The following SSPN variants were observed in gnomAD, a reference collection of about 807,000 sequenced individuals.
SSPN encodes sarcospan.
Under a neutral mutation model 19.1 loss-of-function variants are expected in SSPN, and 15 were observed. The ratio of observed to expected loss-of-function variants is 0.78; its 90% confidence interval spans 0.52 to 1.21. The LOEUF is 1.21. Among genes scored for constraint, SSPN ranks in the 50% most tolerant of loss-of-function variants. SSPN has a pLI of 0.00. For missense variants in SSPN, 291 were observed against 314.0 expected, an observed-to-expected ratio of 0.93 and a Z score of 0.55; for synonymous variants, 147 against 140.3, an observed-to-expected ratio of 1.05 and a Z score of -0.34.
chr12:26,149,120 C>T (rs989706253), intron 1 of SSPN, among the ~76,000 whole-genome samples: 3 of 152,178 alleles, frequency 2.0e-5, no homozygotes, highest in Non-Finnish European at 2.9e-5. Context: ...ACAGAGCTTA[C>T]TCCCTTTACC....
intron 1 of SSPN, among the ~76,000 whole-genome samples, chr12:26,172,640 C>T (rs1944660379): frequency 6.6e-6 from 1 of 152,190 alleles, no homozygotes; most frequent in South Asian, 2.1e-4. Flanking sequence ...TCTATTGGCT[C>T]TACGCCAAGA....
rs12831005 is a variant in SSPN at position 26,122,639 on chromosome 12, G to A, written c.-31+487G>A. The A allele has an allele frequency of 1.6e-5, 21 of 1,290,252 alleles. No individual in the cohort carries two copies. The highest frequency in any genetic ancestry group is 1.9e-5 in the Non-Finnish European group (19 of 1,011,962). 79.9% of individuals were successfully genotyped at this position (1,290,252 alleles called of 1,614,324 possible). A position where few individuals can be genotyped will look rare whatever the true frequency, so the allele number is the denominator to read the frequency against. ...CCGCCGCCGCCGCGCCGCCCCCCGG[G>A]CCGCCGCCGCTGCCGCCGCCGCGGG... On this transcript the variant is annotated intron_variant, in intron 1 of 2. Transcript: ENST00000538142.
chr12:26,205,557 T>C (rs2137471307), intron 1 of SSPN, among the ~76,000 whole-genome samples: 1 of 152,280 alleles, frequency 6.6e-6, no homozygotes, highest in East Asian at 1.9e-4. Context: ...AGGAAAGCTA[T>C]GAAGGAGGCA....
At chr12:26,207,164 A>G (rs1944938156) in intron 1 of SSPN, among the ~76,000 whole-genome samples, 1 of 152,246 alleles carries the variant, frequency 6.6e-6, no homozygotes, top group Non-Finnish European at 1.5e-5. Flanking sequence ...TTCTGGCTCT[A>G]CTAATGTAGA....
chr12:26,201,572 A>G (rs891453807), intron 1 of SSPN, among the ~76,000 whole-genome samples: 4 of 151,966 alleles, frequency 2.6e-5, no homozygotes, highest in Non-Finnish European at 4.4e-5. Flanking sequence ...GAGTGTTTAT[A>G]TAATGAGGAA....
At chr12:26,141,412 A>G (rs1378797872) in intron 1 of SSPN, among the ~76,000 whole-genome samples, 2 of 152,238 alleles carry the variant, frequency 1.3e-5, no homozygotes, top group South Asian at 2.1e-4. Context: ...AATGAGAACC[A>G]TGAAAGACTT....
At chr12:26,157,024 A>C (rs1318640010) in intron 1 of SSPN, among the ~76,000 whole-genome samples, 1 of 152,198 alleles carries the variant, frequency 6.6e-6, no homozygotes, top group African/African-American at 2.4e-5. Flanking sequence ...TATTGGGGGA[A>C]AAGGTTTAGA....
chr12:26,177,840 C>T (rs1404981840), intron 1 of SSPN, among the ~76,000 whole-genome samples: 1 of 152,170 alleles, frequency 6.6e-6, no homozygotes, highest in Admixed American at 6.5e-5. Flanking sequence ...TGCATGGCAC[C>T]CTCCAGTTCT....
At chr12:26,126,541 CACGGGTTCCGGGG>C (rs138325800) in intron 1 of SSPN, 5,996 of 152,360 alleles carry the variant, frequency 0.039, 151 homozygotes, top group South Asian at 0.07. Context: ...CCCCGCCGGG[CACGGGTTCCGGGG>C]ACGGATCTGG....
chr12:26,170,055 T>G (rs1224965995), intron 1 of SSPN, among the ~76,000 whole-genome samples: 1 of 152,150 alleles, frequency 6.6e-6, no homozygotes, highest in African/African-American at 2.4e-5. Flanking sequence ...AAAAATCATC[T>G]GAAGAGACAG....
chr12:26,223,253 C>G (rs1591894994), intron 1 of SSPN, among the ~76,000 whole-genome samples: 1 of 152,164 alleles, frequency 6.6e-6, no homozygotes, highest in South Asian at 2.1e-4. Flanking sequence ...TCTTGTTACC[C>G]AGACTGGAGT....
chr12:26,198,243 A>C (rs1191850574), intron 1 of SSPN, among the ~76,000 whole-genome samples: 2 of 152,080 alleles, frequency 1.3e-5, no homozygotes. Flanking sequence ...GGTTCACTGC[A>C]ACCTCCCCCT....
intron 1 of SSPN, among the ~76,000 whole-genome samples, chr12:26,163,569 A>C (rs1944602840): frequency 6.6e-6 from 1 of 152,202 alleles, no homozygotes; most frequent in African/African-American, 2.4e-5. Flanking sequence ...CAAAAAGGCA[A>C]GTGAGAACAG....
chr12:26,166,939 AC>A (rs1944624809), intron 1 of SSPN, among the ~76,000 whole-genome samples: 1 of 152,244 alleles, frequency 6.6e-6, no homozygotes, highest in South Asian at 2.1e-4. Context: ...AATTAGAAAA[AC>A]ATTAAAGGTT....
upstream of SSPN, among the ~76,000 whole-genome samples, chr12:26,190,602 G>T (rs1944781346): frequency 6.6e-6 from 1 of 151,978 alleles, no homozygotes; most frequent in African/African-American, 2.4e-5. Flanking sequence ...TGAATGTTGG[G>T]GTGATTTGTT....
chr12:26,163,361 T>G (rs1365493710), intron 1 of SSPN, among the ~76,000 whole-genome samples: 3 of 152,236 alleles, frequency 2.0e-5, no homozygotes, highest in Non-Finnish European at 4.4e-5. Flanking sequence ...ATTGGGTGAA[T>G]GTCTAGCACA....
rs144740925 is a variant in SSPN, at chr12:26,135,682, A to G, written c.-31+13530A>G. ...CTCTCATTTCTCTAATTATGTATTCAAAAAGAAAGTTTTGATTTTTCTGGT... is the reference window on the plus strand; with the variant it reads ...CTCTCATTTCTCTAATTATGTATTCGAAAAGAAAGTTTTGATTTTTCTGGT... On this transcript the variant is annotated intron_variant, in intron 1 of 2. Transcript: ENST00000538142. Among the ~76,000 whole-genome samples, 7 of 152,334 alleles carry G rather than the reference A, an allele frequency of 4.6e-5. No individual in the cohort carries two copies. In the East Asian group the frequency reaches 1.2e-3, roughly 25 times the overall value.
intron 1 of SSPN, among the ~76,000 whole-genome samples, chr12:26,183,774 T>G (rs1007029256): frequency 6.6e-6 from 1 of 152,210 alleles, no homozygotes; most frequent in Non-Finnish European, 1.5e-5. Flanking sequence ...GCTTTGTAGC[T>G]GGACACCACT....
chr12:26,207,254 T>C (rs993820383), intron 1 of SSPN, among the ~76,000 whole-genome samples: 3 of 152,252 alleles, frequency 2.0e-5, no homozygotes, highest in African/African-American at 4.8e-5. Flanking sequence ...AGTAATTCTG[T>C]GCAATTCTAT....
Sources: gnomAD v4.1 joint callset for allele counts (sites outside exome capture counted in the v4.1 genomes callset) on GRCh38, gnomAD v4.1.1 for gene constraint, MANE v1.5 for transcripts, NCBI Gene and HGNC (gene_info 2026-07-23, HGNC 2026-07-21) for gene names.